UBTD2: variants seen among roughly 807,000 people sequenced by gnomAD.
The protein encoded by UBTD2 is ubiquitin domain containing 2.
UBTD2 carries 9 observed loss-of-function variants against 19.8 expected under a neutral mutation model. That is an observed-to-expected ratio of 0.46 (90% CI 0.27 to 0.79). The LOEUF (loss-of-function observed/expected upper bound fraction) is 0.79. Ranked by LOEUF, UBTD2 falls within the 30% of genes least tolerant of loss-of-function variation. The probability of loss-of-function intolerance (pLI) is 0.14; values close to 1 mark genes in which losing one functional copy is unlikely to be tolerated. For synonymous variants in UBTD2, 98 were observed against 103.9 expected, an observed-to-expected ratio of 0.94 and a Z score of 0.35; for missense variants, 250 against 300.4, an observed-to-expected ratio of 0.83 and a Z score of 1.24.
intron 2 of UBTD2, among the ~76,000 whole-genome samples, chr5:172,217,880 C>T (rs571944771): frequency 1.8e-4 from 27 of 152,260 alleles, no homozygotes; most frequent in African/African-American, 6.3e-4. Context: ...AGAGATGAAT[C>T]CACTATTATA....
At chr5:172,231,036 G>C (rs1014298649) in intron 2 of UBTD2, among the ~76,000 whole-genome samples, 2 of 152,160 alleles carry the variant, frequency 1.3e-5, no homozygotes, top group Non-Finnish European at 2.9e-5. Context: ...GCCCGCCTCG[G>C]CCTCCCAAAG....
chr5:172,265,982 G>A (rs1303280101), intron 1 of UBTD2, among the ~76,000 whole-genome samples: 1 of 150,504 alleles, frequency 6.6e-6, no homozygotes, highest in African/African-American at 2.5e-5. Flanking sequence ...CACCCAGGCT[G>A]GAGTGCAGTG....
chr5:172,234,048 C>T, intron 2 of UBTD2, 74 bp downstream of exon 2: 2 of 1,457,296 alleles, frequency 1.4e-6, no homozygotes, highest in African/African-American at 1.4e-5. Flanking sequence ...GAAAAACACT[C>T]TCCCATTTGG....
At chr5:172,236,036 G>C (rs748508431) in intron 1 of UBTD2, among the ~76,000 whole-genome samples, 1 of 152,212 alleles carries the variant, frequency 6.6e-6, no homozygotes, top group Non-Finnish European at 1.5e-5. Flanking sequence ...CCCAGGGCCA[G>C]ATGAAATTTG....
chr5:172,234,336 A>C lies in UBTD2; in HGVS notation c.93T>G (p.Pro31=), dbSNP rs1345619717. The C allele has an allele frequency of 6.2e-7, 1 of 1,614,168 alleles. No homozygotes were observed. Among genetic ancestry groups the C allele is most frequent in the South Asian group, 1.1e-5 (1 of 91,084 alleles). The change falls in exon 2 of 3, where the codon CCT becomes CCG. Residue 31 remains proline, a synonymous_variant. Coordinates refer to ENST00000393792, the MANE Select transcript of UBTD2 (RefSeq NM_152277.3). The part of the protein sequence containing the change: ...GTGVALGRNQ[P]LKKEKPKWKS... The stretch of plus-strand genomic sequence containing the variant: ...TCCATTTTGGTTTCTCCTTTTTCAA[A>C]GGCTGGTTACGACCTAGAGCAACTG...
chr5:172,222,262 G>A (rs1375880416), intron 2 of UBTD2, among the ~76,000 whole-genome samples: 1 of 152,030 alleles, frequency 6.6e-6, no homozygotes, highest in East Asian at 1.9e-4. Flanking sequence ...ACTATTTAAT[G>A]GCCCCAAATC....
chr5:172,213,136 GCA>G (rs1431833083), intron 2 of UBTD2, among the ~76,000 whole-genome samples: 1 of 151,130 alleles, frequency 6.6e-6, no homozygotes, highest in Non-Finnish European at 1.5e-5. Flanking sequence ...GATTACAGGC[GCA>G]CACCACCACG....
chr5:172,216,998 G>A (rs548938601), intron 2 of UBTD2, among the ~76,000 whole-genome samples: 25 of 152,054 alleles, frequency 1.6e-4, no homozygotes, highest in Admixed American at 1.3e-3. Flanking sequence ...AACAAAGACA[G>A]AATTACATAT....
intron 2 of UBTD2, among the ~76,000 whole-genome samples, chr5:172,227,076 T>C (rs1771782089): frequency 1.3e-5 from 2 of 152,212 alleles, no homozygotes; most frequent in African/African-American, 2.4e-5. Context: ...CAGTGGTCTG[T>C]GTAAAGCTGA....
At chr5:172,240,311 G>A (rs750853353) in intron 1 of UBTD2, among the ~76,000 whole-genome samples, 10 of 152,130 alleles carry the variant, frequency 6.6e-5, no homozygotes, top group East Asian at 1.9e-4. Flanking sequence ...ACTAAGGATC[G>A]TATGTAGGAA....
chr5:172,275,481 G>C (rs1755589134), intron 1 of UBTD2, among the ~76,000 whole-genome samples: 1 of 152,136 alleles, frequency 6.6e-6, no homozygotes, highest in African/African-American at 2.4e-5. Flanking sequence ...CACAAGCAGA[G>C]ACCTGCTTCC....
intron 1 of UBTD2, among the ~76,000 whole-genome samples, chr5:172,236,319 G>A (rs1772006670): frequency 6.6e-6 from 1 of 152,356 alleles, no homozygotes; most frequent in South Asian, 2.1e-4. Context: ...AGCAGAGCTG[G>A]AAACAGAATC....
At chr5:172,273,108 TAAAAATC>T (rs1755532335) in intron 1 of UBTD2, among the ~76,000 whole-genome samples, 1 of 78,914 alleles carries the variant, frequency 1.3e-5, no homozygotes, top group African/African-American at 4.2e-5. Flanking sequence ...AAAATAAAAA[TAAAAATC>T]TGTCCAAAGA....
intron 1 of UBTD2, among the ~76,000 whole-genome samples, chr5:172,281,394 G>A (rs1755712541): frequency 6.6e-6 from 1 of 152,188 alleles, no homozygotes; most frequent in Non-Finnish European, 1.5e-5. Flanking sequence ...AGTTACTTGG[G>A]AGGCTGAGGT....
At position 172,209,983 on chromosome 5, in the gene UBTD2, G is replaced by A. The variant is rs1771406668; in HGVS notation, c.*1847C>T. The stretch of plus-strand genomic sequence containing the variant: ...CAGTTGACAAACTTTGAGAAGTGCT[G>A]CTATTCGATGTGGCACACAAATGAA... On this transcript the variant is annotated 3_prime_UTR_variant, in exon 3 of 3. Transcript: ENST00000393792. The A allele has an allele frequency of 6.6e-6, 1 of 152,190 alleles. No individual in the cohort carries two copies. The highest frequency in any genetic ancestry group is 1.5e-5 in the Non-Finnish European group (1 of 68,036). The allele number at this position is 152,190 out of a possible 1,614,324, so 9.4% of individuals were successfully genotyped here.
chr5:172,250,996 A>C (rs1457513342), intron 1 of UBTD2, among the ~76,000 whole-genome samples: 3 of 151,282 alleles, frequency 2.0e-5, no homozygotes, highest in Admixed American at 6.6e-5. Flanking sequence ...GAAGAAAAGA[A>C]AGATAAAGTC....
At chr5:172,238,296 G>C (rs1772052556) in intron 1 of UBTD2, among the ~76,000 whole-genome samples, 1 of 152,118 alleles carries the variant, frequency 6.6e-6, no homozygotes, top group Admixed American at 6.6e-5. Flanking sequence ...AGAATTTAAA[G>C]ACAGGAAACA....
rs769070362 is a variant in UBTD2 at position 172,234,363 on chromosome 5, A to G, written c.71-5T>C. ...GCTGGTTACGACCTAGAGCAACTGA[A>G]AAGAAAAATAAAAGACTGAGATCAA... is the stretch of plus-strand genomic sequence containing the variant. On this transcript the variant is annotated splice_polypyrimidine_tract_variant and splice_region_variant and intron_variant, in intron 1 of 2. Transcript: ENST00000393792. The G allele has an allele frequency of 1.7e-5, 27 of 1,612,506 alleles. No homozygotes were observed. Among genetic ancestry groups the G allele is most frequent in the Non-Finnish European group, 2.1e-5 (25 of 1,179,094 alleles).
intron 2 of UBTD2, among the ~76,000 whole-genome samples, chr5:172,213,476 T>G (rs1771487234): frequency 6.6e-6 from 1 of 152,042 alleles, no homozygotes; most frequent in Non-Finnish European, 1.5e-5. Flanking sequence ...CTAGTACAGA[T>G]AAGCTATGGA....
Sources: gnomAD v4.1 joint callset for allele counts (sites outside exome capture counted in the v4.1 genomes callset) on GRCh38, gnomAD v4.1.1 for gene constraint, MANE v1.5 for transcripts, NCBI Gene and HGNC (gene_info 2026-07-23, HGNC 2026-07-21) for gene names.